VSNL1: variants seen among roughly 807,000 people sequenced by gnomAD.
VSNL1 encodes visinin-like protein 1.
VSNL1 carries 6 observed loss-of-function variants against 20.4 expected under a neutral mutation model. The ratio of observed to expected loss-of-function variants is 0.29; its 90% CI spans 0.16 to 0.58. The LOEUF is 0.58. Among genes scored for constraint, VSNL1 ranks in the 20% least tolerant of loss-of-function variants. The probability of loss-of-function intolerance (pLI) is 0.90; values close to 1 mark genes in which losing one functional copy is unlikely to be tolerated. For missense variants in VSNL1, 100 were observed against 234.5 expected (o/e 0.43, Z 3.75); for synonymous variants, 93 against 86.4 (o/e 1.08, Z -0.42).
At chr2:17,570,810 G>A (rs897427864) in intron 1 of VSNL1, among the ~76,000 whole-genome samples, 1 of 152,174 alleles carries the variant, frequency 6.6e-6, no homozygotes, top group Non-Finnish European at 1.5e-5. Flanking sequence ...ACTTTGGGAG[G>A]CCGAGGTGGG....
chr2:17,545,543 G>A (rs1015207133), intron 1 of VSNL1, among the ~76,000 whole-genome samples: 7 of 152,230 alleles, frequency 4.6e-5, no homozygotes, highest in African/African-American at 1.4e-4. Flanking sequence ...GCTCTCTTGA[G>A]CTATGGAATT....
intron 1 of VSNL1, among the ~76,000 whole-genome samples, chr2:17,576,271 T>C (rs113540910): frequency 3.9e-5 from 6 of 152,342 alleles, no homozygotes; most frequent in African/African-American, 1.4e-4. Flanking sequence ...CAATTTTATG[T>C]TCCACTCAGT....
intron 2 of VSNL1, among the ~76,000 whole-genome samples, chr2:17,610,896 G>A (rs1665068914): frequency 6.6e-6 from 1 of 152,150 alleles, no homozygotes; most frequent in South Asian, 2.1e-4. Context: ...TCCCAAGGAA[G>A]AAGAAAATCT....
chr2:17,544,726 A>C (rs1663369517), intron 1 of VSNL1, among the ~76,000 whole-genome samples: 1 of 152,184 alleles, frequency 6.6e-6, no homozygotes, highest in Admixed American at 6.5e-5. Context: ...ATGCTCCTAA[A>C]ATTAGTGATT....
intron 2 of VSNL1, among the ~76,000 whole-genome samples, chr2:17,613,265 T>A (rs1368259716): frequency 2.6e-5 from 4 of 152,260 alleles, no homozygotes; most frequent in Non-Finnish European, 5.9e-5. Context: ...AGCAAGGGAT[T>A]ATTTAGCAAG....
intron 2 of VSNL1, among the ~76,000 whole-genome samples, chr2:17,606,289 A>G (rs77492671): frequency 0.056 from 8,230 of 148,184 alleles, 260 homozygotes; most frequent in Middle Eastern, 0.093. Flanking sequence ...CTAGGATGAA[A>G]TGCAGAGAAG....
intron 2 of VSNL1, among the ~76,000 whole-genome samples, chr2:17,612,100 C>T (rs1665104639): frequency 6.6e-6 from 1 of 152,158 alleles, no homozygotes; most frequent in Non-Finnish European, 1.5e-5. Context: ...ATGCACGTGC[C>T]TATGCATACC....
intron 2 of VSNL1, among the ~76,000 whole-genome samples, chr2:17,611,596 G>A (rs1665089152): frequency 6.6e-6 from 1 of 152,222 alleles, no homozygotes; most frequent in Non-Finnish European, 1.5e-5. Context: ...ACTAAGAGGA[G>A]GTTTGGAGGA....
At chr2:17,587,052 G>A (rs975640663) in intron 1 of VSNL1, among the ~76,000 whole-genome samples, 4 of 152,104 alleles carry the variant, frequency 2.6e-5, no homozygotes, top group Non-Finnish European at 4.4e-5. Flanking sequence ...TTACATGCAG[G>A]TCTCCAACCT....
intron 1 of VSNL1, among the ~76,000 whole-genome samples, chr2:17,577,177 C>G (rs115357199): frequency 6.6e-6 from 1 of 152,190 alleles, no homozygotes; most frequent in Non-Finnish European, 1.5e-5. Flanking sequence ...GGACCACCAT[C>G]ATATATATAG....
intron 2 of VSNL1, among the ~76,000 whole-genome samples, chr2:17,607,056 G>T (rs535900453): frequency 6.6e-6 from 1 of 152,294 alleles, no homozygotes; most frequent in African/African-American, 2.4e-5. Flanking sequence ...TGCAGAATTA[G>T]TCCTGAAACA....
rs936810812 is a variant in VSNL1, at chr2:17,583,520, G to A, written c.-5-8550G>A. 1.2e-4 allele frequency among the ~76,000 whole-genome samples: 18 copies of A among 152,300 alleles called. 1 individual carries two copies. The highest frequency in any genetic ancestry group is 2.5e-4 in the Non-Finnish European group (17 of 68,026). ...AGAAACCAATTCTCAGAAACACATA[G>A]GATGGTCAGAGACAGTACACATAGG... On this transcript the variant is annotated intron_variant, in intron 1 of 3. Transcript: ENST00000295156.
chr2:17,645,086 C>G (rs1665964144), intron 2 of VSNL1, among the ~76,000 whole-genome samples: 1 of 152,216 alleles, frequency 6.6e-6, no homozygotes, highest in African/African-American at 2.4e-5. Flanking sequence ...TTTTTTGAAG[C>G]CCTATTTCCT....
chr2:17,565,533 C>G (rs1166234942), intron 1 of VSNL1, among the ~76,000 whole-genome samples: 1 of 151,988 alleles, frequency 6.6e-6, no homozygotes, highest in Non-Finnish European at 1.5e-5. Flanking sequence ...GTATCATTCA[C>G]CAAATTGCTT....
At chr2:17,600,528 T>G (rs1664800747) in intron 2 of VSNL1, among the ~76,000 whole-genome samples, 1 of 152,236 alleles carries the variant, frequency 6.6e-6, no homozygotes, top group Admixed American at 6.5e-5. Context: ...TCTCAACATC[T>G]GATTCAAATA....
chr2:17,597,130 T>C (rs1179314298), intron 2 of VSNL1, among the ~76,000 whole-genome samples: 1 of 152,152 alleles, frequency 6.6e-6, no homozygotes, highest in Non-Finnish European at 1.5e-5. Context: ...CTTGTGGGTT[T>C]GGGGGCAGTG....
At chr2:17,612,103 T>C (rs1461620217) in intron 2 of VSNL1, among the ~76,000 whole-genome samples, 1 of 152,212 alleles carries the variant, frequency 6.6e-6, no homozygotes, top group Non-Finnish European at 1.5e-5. Context: ...CACGTGCCTA[T>C]GCATACCGTG....
At chr2:17,650,520 T>G (rs1666101098) in intron 3 of VSNL1, among the ~76,000 whole-genome samples, 1 of 152,184 alleles carries the variant, frequency 6.6e-6, no homozygotes, top group Non-Finnish European at 1.5e-5. Flanking sequence ...ATTGACTGTC[T>G]TAGCATGGGT....
At chr2:17,633,076 T>C (rs1010154992) in intron 2 of VSNL1, among the ~76,000 whole-genome samples, 1 of 152,156 alleles carries the variant, frequency 6.6e-6, no homozygotes, top group Non-Finnish European at 1.5e-5. Context: ...CAGTGCCACA[T>C]GGCTAAGGAG....
Sources: gnomAD v4.1 joint callset for allele counts (sites outside exome capture counted in the v4.1 genomes callset) on GRCh38, gnomAD v4.1.1 for gene constraint, MANE v1.5 for transcripts, NCBI Gene and HGNC (gene_info 2026-07-23, HGNC 2026-07-21) for gene names.